CDH13: variants seen among roughly 807,000 people sequenced by gnomAD.
CDH13 encodes cadherin-13.
Under a neutral mutation model 63.8 loss-of-function variants are expected in CDH13, and 24 were observed. That is an observed-to-expected ratio of 0.38 (90% confidence interval 0.27 to 0.53). The LOEUF is 0.53. Among genes scored for constraint, CDH13 ranks in the 20% least tolerant of loss-of-function variants. CDH13 has a pLI of 0.85. For synonymous variants in CDH13, 503 were observed against 355.3 expected (o/e 1.42, Z -4.67); for missense variants, 1,049 against 903.1 (o/e 1.16, Z -2.07).
At chr16:83,541,005 A>C (rs948292117) in intron 7 of CDH13, among the ~76,000 whole-genome samples, 1 of 152,128 alleles carries the variant, frequency 6.6e-6, no homozygotes, top group Non-Finnish European at 1.5e-5. Flanking sequence ...CAGGGTGAAA[A>C]GATGTAGAAA....
chr16:83,273,158 C>A (rs1042199692), intron 5 of CDH13, among the ~76,000 whole-genome samples: 1 of 151,722 alleles, frequency 6.6e-6, no homozygotes, highest in African/African-American at 2.4e-5. Context: ...CAAAATGGCT[C>A]TAAAATAATA....
At chr16:83,156,390 G>C (rs1302819666) in intron 4 of CDH13, among the ~76,000 whole-genome samples, 1 of 152,078 alleles carries the variant, frequency 6.6e-6, no homozygotes, top group Non-Finnish European at 1.5e-5. Flanking sequence ...CCTTTCAAGA[G>C]TCTAATCCTA....
At chr16:83,576,602 C>T (rs557879562) in intron 7 of CDH13, among the ~76,000 whole-genome samples, 51 of 152,286 alleles carry the variant, frequency 3.3e-4, no homozygotes, top group African/African-American at 1.2e-3. Context: ...AGCAGTGATA[C>T]CATTTTATAT....
intron 1 of CDH13, among the ~76,000 whole-genome samples, chr16:82,734,258 G>A (rs143327369): frequency 6.6e-6 from 1 of 152,252 alleles, no homozygotes; most frequent in Admixed American, 6.5e-5. Flanking sequence ...TGTTCAAATG[G>A]CAGAGTTAAG....
At chr16:82,690,951 G>T (rs2150976019) in intron 1 of CDH13, among the ~76,000 whole-genome samples, 1 of 152,362 alleles carries the variant, frequency 6.6e-6, no homozygotes, top group Middle Eastern at 3.4e-3. Context: ...ATCTAGCTGG[G>T]AAGGTAAAGG....
intron 1 of CDH13, among the ~76,000 whole-genome samples, chr16:82,678,962 C>T (rs375569258): frequency 8.3e-4 from 127 of 152,260 alleles, no homozygotes; most frequent in African/African-American, 2.9e-3. Flanking sequence ...GCCAATTCAA[C>T]AGGTAAGAAA....
intron 3 of CDH13, among the ~76,000 whole-genome samples, chr16:83,073,816 A>C (rs184158942): frequency 7.2e-5 from 11 of 152,216 alleles, no homozygotes; most frequent in Non-Finnish European, 4.4e-5. Flanking sequence ...ACAGTACAGC[A>C]TAGCAATTGT....
chr16:82,809,901 T>C (rs1037772770), intron 1 of CDH13, among the ~76,000 whole-genome samples: 1 of 152,046 alleles, frequency 6.6e-6, no homozygotes, highest in Non-Finnish European at 1.5e-5. Context: ...AAGGTGCCTG[T>C]TAAGAAAAAA....
At chr16:83,619,651 C>T (rs1201437448) in intron 8 of CDH13, among the ~76,000 whole-genome samples, 2 of 133,422 alleles carry the variant, frequency 1.5e-5, no homozygotes, top group Non-Finnish European at 3.3e-5. Flanking sequence ...TTCCTGCCTC[C>T]ATCTACACCT....
At chr16:82,832,638 C>A (rs531311795) in intron 1 of CDH13, among the ~76,000 whole-genome samples, 5 of 151,880 alleles carry the variant, frequency 3.3e-5, no homozygotes, top group Non-Finnish European at 7.4e-5. Flanking sequence ...TTCTTTTCAA[C>A]TATTATCACC....
intron 1 of CDH13, among the ~76,000 whole-genome samples, chr16:82,830,644 G>A (rs1413945770): frequency 6.6e-6 from 1 of 152,186 alleles, no homozygotes; most frequent in African/African-American, 2.4e-5. Context: ...CCTGCTCAGT[G>A]TCTTCTCAGT....
At chr16:82,741,131 C>T (rs1325677357) in intron 1 of CDH13, among the ~76,000 whole-genome samples, 8 of 152,172 alleles carry the variant, frequency 5.3e-5, no homozygotes, top group Non-Finnish European at 1.2e-4. Context: ...TTTCACAACC[C>T]AAAACTTGTC....
chr16:83,604,120 A>G (rs1281803333), intron 8 of CDH13, among the ~76,000 whole-genome samples: 2 of 152,114 alleles, frequency 1.3e-5, no homozygotes, highest in Non-Finnish European at 2.9e-5. Context: ...GGGATGCAGA[A>G]CCAAGCCACA....
At chr16:82,880,973 G>T (rs1369104473) in intron 2 of CDH13, among the ~76,000 whole-genome samples, 1 of 152,178 alleles carries the variant, frequency 6.6e-6, no homozygotes, top group Non-Finnish European at 1.5e-5. Context: ...AAAGCCTTTA[G>T]ACATTACCCC....
intron 3 of CDH13, among the ~76,000 whole-genome samples, chr16:83,091,159 C>T (rs1177613084): frequency 6.6e-6 from 1 of 151,786 alleles, no homozygotes; most frequent in Non-Finnish European, 1.5e-5. Flanking sequence ...TAGTGATCTC[C>T]TTCTTCCTTT....
chr16:83,776,299 T>C (rs1401582938), intron 11 of CDH13, among the ~76,000 whole-genome samples: 1 of 152,226 alleles, frequency 6.6e-6, no homozygotes, highest in Non-Finnish European at 1.5e-5. Flanking sequence ...AATGGATTCT[T>C]CCGAGATATT....
chr16:83,153,650 C>G (rs1449977002), intron 4 of CDH13, among the ~76,000 whole-genome samples: 3 of 152,136 alleles, frequency 2.0e-5, no homozygotes, highest in African/African-American at 7.2e-5. Context: ...TTCACTGTCT[C>G]AGTCATAATT....
At chr16:83,559,631 AAGAG>A (rs1259506721) in intron 7 of CDH13, among the ~76,000 whole-genome samples, 3 of 151,538 alleles carry the variant, frequency 2.0e-5, no homozygotes, top group African/African-American at 4.8e-5. Context: ...GAGAAAGAAA[AAGAG>A]AGAGAGGGAG....
intron 7 of CDH13, among the ~76,000 whole-genome samples, chr16:83,488,216 A>G (rs935424346): frequency 6.6e-6 from 1 of 152,240 alleles, no homozygotes; most frequent in African/African-American, 2.4e-5. Context: ...GTGCAGACCT[A>G]GAACACTTCC....
Sources: gnomAD v4.1 joint callset for allele counts (sites outside exome capture counted in the v4.1 genomes callset) on GRCh38, gnomAD v4.1.1 for gene constraint, MANE v1.5 for transcripts, NCBI Gene and HGNC (gene_info 2026-07-23, HGNC 2026-07-21) for gene names.